Variants in ABT1 observed in about 807,000 individuals in gnomAD.
The protein encoded by ABT1 is activator of basal transcription 1.
Under a neutral mutation model 14.0 loss-of-function variants are expected in ABT1, and 13 were observed. The ratio of observed to expected loss-of-function variants is 0.93; its 90% CI spans 0.61 to 1.48. The LOEUF (loss-of-function observed/expected upper bound fraction) is 1.48. Among genes scored for constraint, ABT1 ranks in the 40% most tolerant of loss-of-function variants. The pLI, the probability that ABT1 is intolerant of heterozygous loss-of-function variation, is 0.00. For synonymous variants in ABT1, 165 were observed against 144.6 expected, an observed-to-expected ratio of 1.14 and a Z score of -1.01; for missense variants, 430 against 380.0, an observed-to-expected ratio of 1.13 and a Z score of -1.09.
rs781842144 is a variant in ABT1 at position 26,599,159 on chromosome 6, G to A, written c.*514G>A. Reference sequence around the variant, plus strand: ...TTTATGTGCCTTTTTATTTTTGTTGGTGGGGAGGTCATTGGACAAGTTCCA... The same window carrying A: ...TTTATGTGCCTTTTTATTTTTGTTGATGGGGAGGTCATTGGACAAGTTCCA... On this transcript the variant is annotated 3_prime_UTR_variant, in exon 3 of 3. Coordinates refer to ENST00000274849, the MANE Select transcript of ABT1 (RefSeq NM_013375.4). 6.6e-6 allele frequency: 1 copy of A among 152,010 alleles called. No homozygotes were observed. Among genetic ancestry groups the A allele is most frequent in the Non-Finnish European group, 1.5e-5 (1 of 68,018 alleles). The allele number at this position is 152,010 out of a possible 1,614,324, so 9.4% of individuals were successfully genotyped here.
chr6:26,597,019 C>G lies in ABT1; in HGVS notation c.37C>G (p.Gln13Glu), dbSNP rs143081387. The G allele has an allele frequency of 6.2e-6, 10 of 1,613,138 alleles. No homozygotes were observed. The African/African-American group carries it at 1.3e-4, about 22-fold the overall frequency. Residue 13 changes from glutamine to glutamate, a missense_variant, in exon 1 of 3, where the codon CAA becomes GAA. Physicochemically the swap from Gln to Glu is conservative, Grantham distance 29. Coordinates refer to ENST00000274849, the MANE Select transcript of ABT1 (RefSeq NM_013375.4). ...GGAATCGGAGAAGGCCGCAACGGAG[C>G]AAGAGCCGCTGGAAGGGACAGAACA... Reference protein sequence around the residue: ...AEESEKAATEQEPLEGTEQTL... With the variant: ...AEESEKAATEEEPLEGTEQTL...
At chr6:26,597,783 TTCC>T in intron 1 of ABT1, 128 bp from the exon 2 acceptor site, 1 of 881,878 alleles carries the variant, frequency 1.1e-6, no homozygotes, top group Non-Finnish European at 1.7e-6. Flanking sequence ...TACAGTTCCC[TTCC>T]TCCTGGGCAA....
chr6:26,600,215 C>G lies in ABT1; in HGVS notation c.*1570C>G, dbSNP rs1272329015. 2 of 152,092 alleles carry G rather than the reference C, an allele frequency of 1.3e-5. No individual in the cohort carries two copies. The highest frequency in any genetic ancestry group is 3.8e-4 in the East Asian group (2 of 5,200). 9.4% of individuals were successfully genotyped at this position (152,092 alleles called of 1,614,324 possible). A position where few individuals can be genotyped will look rare whatever the true frequency, so the allele number is the denominator to read the frequency against. On this transcript the variant is annotated 3_prime_UTR_variant, in exon 3 of 3. Transcript: ENST00000274849. ...ATGTCTTAAAGTGAAACAGAAAAAT[C>G]CAGAATCAGAATTTGACAGGCTGGC...
rs1554144842 is a variant in ABT1 at position 26,598,615 on chromosome 6, G to C, written c.789G>C (p.Met263Ile). Residue 263 changes from methionine (M) to isoleucine (I), a missense_variant, in exon 3 of 3, where the codon ATG (methionine) becomes ATC (isoleucine). Met to Ile is a conservative substitution (Grantham distance 10, BLOSUM62 1). Coordinates refer to ENST00000274849, the MANE Select transcript of ABT1 (RefSeq NM_013375.4). ...IFGAPPPSES[M>I]EGPSLVRDS is the part of the protein sequence containing the mutation. Reference sequence around the variant, plus strand: ...GAGCCCCGCCACCCTCAGAGAGCATGGAGGGACCTTCCCTTGTCAGGGACT... The same window carrying C: ...GAGCCCCGCCACCCTCAGAGAGCATCGAGGGACCTTCCCTTGTCAGGGACT... 1.3e-6 allele frequency: 2 copies of C among 1,581,804 alleles called. No homozygotes were observed. The highest frequency in any genetic ancestry group is 1.8e-4 in the Middle Eastern group (1 of 5,406).
At position 26,597,057 on chromosome 6, in the gene ABT1, G is replaced by A. The variant is rs1554144541; in HGVS notation, c.75G>A (p.Ala25=). 4 of 1,613,844 alleles carry A rather than the reference G, an allele frequency of 2.5e-6. No homozygotes were observed. Among genetic ancestry groups the A allele is most frequent in the African/African-American group, 1.3e-5 (1 of 74,920 alleles). ...AAGGGACAGAACAGACACTAGATGCGGAGGAGGAGCAGGAGGAATCCGAAG... is the reference window on the plus strand; with the variant it reads ...AAGGGACAGAACAGACACTAGATGCAGAGGAGGAGCAGGAGGAATCCGAAG... The part of the protein sequence containing the change: ...PLEGTEQTLD[A]EEEQEESEEA... Residue 25 remains alanine (A), a synonymous_variant, in exon 1 of 3, where the codon GCG becomes GCA. Transcript: ENST00000274849.
In ABT1 at chr6:26,598,977, G is replaced by A. The variant is rs1248089613; in HGVS notation, c.*332G>A. On this transcript the variant is annotated 3_prime_UTR_variant, in exon 3 of 3. Coordinates refer to ENST00000274849, the MANE Select transcript of ABT1 (RefSeq NM_013375.4). ...AGAAAGGGCCTTTATTTCCAACTAG[G>A]AGGATAATGCCTAGTCCAGGCAATC... 4.4e-6 allele frequency: 1 copy of A among 226,750 alleles called. No homozygotes were observed. The highest frequency in any genetic ancestry group is 8.6e-6 in the Non-Finnish European group (1 of 115,644). 14.0% of individuals were successfully genotyped at this position (226,750 alleles called of 1,614,324 possible). A position where few individuals can be genotyped will look rare whatever the true frequency, so the allele number is the denominator to read the frequency against.
chr6:26,598,602 C>T lies in ABT1; in HGVS notation c.776C>T (p.Pro259Leu), dbSNP rs1554144837. 2 of 1,594,058 alleles carry T rather than the reference C, an allele frequency of 1.3e-6. No homozygotes were observed. The highest frequency in any genetic ancestry group is 1.7e-6 in the Non-Finnish European group (2 of 1,166,124). The change falls in exon 3 of 3, where the codon CCC becomes CTC. Residue 259 changes from proline to leucine, a missense_variant. Transcript: ENST00000274849. ...GCCAGGATCTTTGGAGCCCCGCCAC[C>T]CTCAGAGAGCATGGAGGGACCTTCC... Reference protein sequence around the residue: ...LLARIFGAPPPSESMEGPSLV... With the variant: ...LLARIFGAPPLSESMEGPSLV...
At chr6:26,597,576 A>G (rs569132327) in intron 1 of ABT1, among the ~76,000 whole-genome samples, 1 of 152,274 alleles carries the variant, frequency 6.6e-6, no homozygotes, top group East Asian at 1.9e-4. Context: ...CAGCTTTTCT[A>G]CAAAACTGAA....
At chr6:26,597,780 C>T in intron 1 of ABT1, 134 bp from the exon 2 acceptor site, 1 of 824,834 alleles carries the variant, frequency 1.2e-6, no homozygotes, top group Non-Finnish European at 1.9e-6. Context: ...ATTTACAGTT[C>T]CCTTCCTCCT....
rs1764925744 is a variant in ABT1, at chr6:26,597,997, T to C, written c.325T>C (p.Trp109Arg). Residue 109 changes from tryptophan to arginine, a missense_variant, in exon 2 of 3, where the codon TGG (tryptophan) becomes CGG (arginine). Transcript: ENST00000274849. ...RSYTKDYTEG[W>R]VEFRDKRIAK... ...CTACACCAAGGACTACACCGAGGGA[T>C]GGGTGGAGTTCCGTGACAAGCGCAT... 1.2e-6 allele frequency: 2 copies of C among 1,614,094 alleles called. No individual in the cohort carries two copies. The highest frequency in any genetic ancestry group is 1.3e-5 in the African/African-American group (1 of 74,930).
rs1764939457 is a variant in ABT1, at chr6:26,598,700, A to G, written c.*55A>G. On this transcript the variant is annotated 3_prime_UTR_variant, in exon 3 of 3. Coordinates refer to ENST00000274849, the MANE Select transcript of ABT1 (RefSeq NM_013375.4). Reference sequence around the variant, plus strand: ...CCCTGCTCTGCTTCCTGTCTACCTCATACTAGAATGATCGTGACTACCCGG... The same window carrying G: ...CCCTGCTCTGCTTCCTGTCTACCTCGTACTAGAATGATCGTGACTACCCGG... 5 of 1,496,796 alleles carry G rather than the reference A, an allele frequency of 3.3e-6. No individual in the cohort carries two copies. The highest frequency in any genetic ancestry group is 2.3e-5 in the Admixed American group (1 of 44,022). 92.7% of individuals were successfully genotyped at this position (1,496,796 alleles called of 1,614,324 possible).
At position 26,597,235 on chromosome 6, in the gene ABT1, G is replaced by A. The variant is rs782364332; in HGVS notation, c.241+12G>A. 1 of 1,611,208 alleles carries A rather than the reference G, an allele frequency of 6.2e-7. No homozygotes were observed. Among genetic ancestry groups the A allele is most frequent in the South Asian group, 1.1e-5 (1 of 90,942 alleles). On this transcript the variant is annotated intron_variant, in intron 1 of 2. Transcript: ENST00000274849. ...CTTTCAGGCTGAGGGTAAGTATGCA[G>A]GCCCTGACGGTGACAGGAGGAGGTT...
chr6:26,596,959 G>A lies in ABT1; in HGVS notation c.-24G>A. On this transcript the variant is annotated 5_prime_UTR_variant, in exon 1 of 3. Coordinates refer to ENST00000274849, the MANE Select transcript of ABT1 (RefSeq NM_013375.4). ...TCAGTTGGCAAGGCACTTTACGGCC[G>A]TCGTGCCGCTCGTGTCAGTCAACAT... The A allele has an allele frequency of 6.2e-7, 1 of 1,601,060 alleles. No homozygotes were observed. Among genetic ancestry groups the A allele is most frequent in the Non-Finnish European group, 8.5e-7 (1 of 1,174,270 alleles).
chr6:26,597,162 G>A lies in ABT1; in HGVS notation c.180G>A (p.Leu60=). 1 of 1,614,250 alleles carries A rather than the reference G, an allele frequency of 6.2e-7. No homozygotes were observed. The highest frequency in any genetic ancestry group is 8.5e-7 in the Non-Finnish European group (1 of 1,180,042). ...LGHIPPRFRP[L]HVRNLLSAYG... ...ATATCCCGCCGCGCTTCCGGCCCCT[G>A]CACGTCCGCAACCTTCTCAGCGCCT... Residue 60 remains leucine, a synonymous_variant, in exon 1 of 3, where the codon CTG becomes CTA. Transcript: ENST00000274849.
At chr6:26,598,161 C>T (rs782332847) in intron 2 of ABT1, 51 bp downstream of exon 2, 3 of 1,580,118 alleles carry the variant, frequency 1.9e-6, no homozygotes, top group African/African-American at 1.3e-5. Flanking sequence ...TTCTCCCCAA[C>T]TCTGGCCCAA....
At chr6:26,597,711 G>A (rs1236147891) in intron 1 of ABT1, among the ~76,000 whole-genome samples, 2 of 152,160 alleles carry the variant, frequency 1.3e-5, no homozygotes, top group Non-Finnish European at 1.5e-5. Context: ...TTCAGGGCTG[G>A]CCAGATTAAG....
Position 26,597,158 on chromosome 6 carries a change from C to T in ABT1, c.176C>T (p.Pro59Leu). The T allele has an allele frequency of 6.2e-7, 1 of 1,614,238 alleles. No homozygotes were observed. Among genetic ancestry groups the T allele is most frequent in the Non-Finnish European group, 8.5e-7 (1 of 1,180,034 alleles). The part of the protein sequence containing the change: ...YLGHIPPRFR[P>L]LHVRNLLSAY... Reference sequence around the variant, plus strand: ...GGCCATATCCCGCCGCGCTTCCGGCCCCTGCACGTCCGCAACCTTCTCAGC... The same window carrying T: ...GGCCATATCCCGCCGCGCTTCCGGCTCCTGCACGTCCGCAACCTTCTCAGC... Residue 59 changes from proline to leucine, a missense_variant, in exon 1 of 3, where the codon CCC (proline) becomes CTC (leucine). By Grantham distance (98) the Pro-to-Leu change is moderately conservative (BLOSUM62 -3). Coordinates refer to ENST00000274849, the MANE Select transcript of ABT1 (RefSeq NM_013375.4).
intron 1 of ABT1, 123 bp downstream of exon 1, chr6:26,597,346 G>T: frequency 6.7e-7 from 1 of 1,484,900 alleles, no homozygotes; most frequent in East Asian, 2.3e-5. Context: ...TTTGGGGGTG[G>T]GGAGTGCGGT....
Position 26,597,933 on chromosome 6 carries a change from G to T in ABT1, c.261G>T (p.Lys87Asn). ...GCGCAGACCGGTTCGTGAGACGCAA[G>T]AAGAAGGCAGCAGCAGCTGCCGGAG... The part of the protein sequence containing the change: ...FQAEDRFVRR[K>N]KKAAAAAGGK... Residue 87 changes from lysine to asparagine, a missense_variant, in exon 2 of 3, where the codon AAG (lysine) becomes AAT (asparagine). By Grantham distance (94) the Lys-to-Asn change is moderately conservative. Transcript: ENST00000274849. 1 of 1,612,990 alleles carries T rather than the reference G, an allele frequency of 6.2e-7. No individual in the cohort carries two copies.
Sources: gnomAD v4.1 joint callset for allele counts (sites outside exome capture counted in the v4.1 genomes callset) on GRCh38, gnomAD v4.1.1 for gene constraint, MANE v1.5 for transcripts, NCBI Gene and HGNC (gene_info 2026-07-23, HGNC 2026-07-21) for gene names.